Variants in CACNA1S observed in about 807,000 individuals in gnomAD.
CACNA1S encodes the protein voltage-dependent L-type calcium channel subunit alpha-1S.
In CACNA1S, 126 loss-of-function variants were observed where a neutral mutation model predicts 207.4. The ratio of observed to expected loss-of-function variants is 0.61; its 90% CI spans 0.53 to 0.70. The LOEUF is 0.70. Ranked by LOEUF, CACNA1S falls within the 30% of genes least tolerant of loss-of-function variation. The pLI is 0.00. For missense variants in CACNA1S, 2,349 were observed against 2,422.8 expected (o/e 0.97, Z 0.64); for synonymous variants, 960 against 932.7 (o/e 1.03, Z -0.53).
At chr1:201,088,048 G>T (rs559700231) in intron 6 of CACNA1S, 119 bp from the exon 7 acceptor site, 2 of 731,808 alleles carry the variant, frequency 2.7e-6, no homozygotes, top group South Asian at 3.0e-5. Context: ...CTGGGATATT[G>T]AGGGGACATT....
intron 2 of CACNA1S, 55 bp from the exon 3 acceptor site, chr1:201,094,076 G>T (rs931921193): frequency 1.9e-6 from 3 of 1,610,284 alleles, no homozygotes; most frequent in Non-Finnish European, 2.5e-6. Context: ...GTGCACCCTT[G>T]CTCTCTTCCC....
chr1:201,058,407 C>G lies in CACNA1S; in HGVS notation c.3609+1G>C, dbSNP rs754831666. 1 of 1,613,584 alleles carries G rather than the reference C, an allele frequency of 6.2e-7. No homozygotes were observed. On this transcript the variant is annotated splice_donor_variant, in intron 28 of 43. Coordinates refer to ENST00000362061, the MANE Select transcript of CACNA1S (RefSeq NM_000069.3). LOFTEE classifies it high-confidence loss of function. ...GATGGCTCTGCCTGCCTGATACTCA[C>G]GTCGATCTCACTGAGGATGACATCA...
chr1:201,091,355 A>C (rs1039631267), intron 5 of CACNA1S, among the ~76,000 whole-genome samples: 1 of 152,114 alleles, frequency 6.6e-6, no homozygotes, highest in Non-Finnish European at 1.5e-5. Flanking sequence ...TCCATCTACC[A>C]CAGGTCCAGA....
In CACNA1S at chr1:201,040,347, C is replaced by T. The variant is rs747004063; in HGVS notation, c.5254G>A (p.Glu1752Lys). 5.6e-6 allele frequency: 9 copies of T among 1,613,674 alleles called. No homozygotes were observed. In the South Asian group the frequency reaches 6.6e-5, roughly 12 times the overall value. The change falls in exon 43 of 44, where the codon GAG becomes AAG. Residue 1752 changes from glutamate to lysine, a missense_variant. Transcript: ENST00000362061. ...CCTGGTGTGGAGCTCTTTCTGTCCT[C>T]AGGCATGGAGGACTCCACCCTGGGG... ...QCPRVESSMP[E>K]DRKSSTPGSL...
intron 10 of CACNA1S, among the ~76,000 whole-genome samples, 187 bp from the exon 11 acceptor site, chr1:201,078,291 G>T (rs1164855966): frequency 6.6e-6 from 1 of 152,060 alleles, no homozygotes; most frequent in Non-Finnish European, 1.5e-5. Flanking sequence ...GCACAATTAT[G>T]GCACACTGCA....
rs1489611039 is a variant in CACNA1S, at chr1:201,044,338, C to A, written c.4787G>T (p.Gly1596Val). ...RAMVEAAMEE[G>V]IFRRTGGLFG... ...CTGGCTCTCCCTCACCCGGAATATT[C>A]CCTCCTCCATCGCAGCCTCCACCAT... The change falls in exon 39 of 44, where the codon GGA becomes GTA. Residue 1596 changes from glycine (G) to valine (V), a missense_variant. Transcript: ENST00000362061. The A allele has an allele frequency of 1.2e-6, 2 of 1,613,478 alleles. No homozygotes were observed. The highest frequency in any genetic ancestry group is 1.7e-5 in the Admixed American group (1 of 60,000).
chr1:201,081,244 G>A (rs1306191977), intron 10 of CACNA1S, among the ~76,000 whole-genome samples: 3 of 152,244 alleles, frequency 2.0e-5, no homozygotes, highest in African/African-American at 7.2e-5. Context: ...GGCCTAAAAT[G>A]TCCTTGGAAG....
intron 2 of CACNA1S, among the ~76,000 whole-genome samples, chr1:201,100,409 A>G (rs544437903): frequency 6.6e-6 from 1 of 152,272 alleles, no homozygotes; most frequent in African/African-American, 2.4e-5. Context: ...CATCTCCACA[A>G]ACACCTCAGC....
At chr1:201,101,422 A>G (rs1175414771) in intron 2 of CACNA1S, among the ~76,000 whole-genome samples, 1 of 152,232 alleles carries the variant, frequency 6.6e-6, no homozygotes, top group Non-Finnish European at 1.5e-5. Flanking sequence ...TGTATCTTTC[A>G]TAAAATCAAT....
At chr1:201,058,596 G>A in intron 27 of CACNA1S, 105 bp from the exon 28 acceptor site, 1 of 906,640 alleles carries the variant, frequency 1.1e-6, no homozygotes, top group Non-Finnish European at 1.8e-6. Flanking sequence ...CGGAGCTGCG[G>A]GTTAGGCCAA....
chr1:201,059,301 T>C lies in CACNA1S; in HGVS notation c.3415-2A>G, dbSNP rs1660961995. 6.2e-7 allele frequency: 1 copy of C among 1,606,058 alleles called. No individual in the cohort carries two copies. The highest frequency in any genetic ancestry group is 8.5e-7 in the Non-Finnish European group (1 of 1,172,910). On this transcript the variant is annotated splice_acceptor_variant, in intron 26 of 43. Coordinates refer to ENST00000362061, the MANE Select transcript of CACNA1S (RefSeq NM_000069.3). LOFTEE classifies it high-confidence loss of function. ...CATCTGCTCCGACTGGTTGTAGTGC[T>C]GTGGAGGGGACACAGGAGCAGTGGG...
intron 10 of CACNA1S, among the ~76,000 whole-genome samples, chr1:201,079,323 C>T (rs1041359024): frequency 4.6e-5 from 7 of 152,060 alleles, no homozygotes; most frequent in Non-Finnish European, 7.4e-5. Context: ...CTACTCTCTC[C>T]AGGGGCATCG....
chr1:201,104,762 C>A (rs934730573), intron 2 of CACNA1S, among the ~76,000 whole-genome samples: 1 of 152,166 alleles, frequency 6.6e-6, no homozygotes, highest in Non-Finnish European at 1.5e-5. Context: ...CATGTCTGCC[C>A]AACAATTAGG....
chr1:201,062,034 C>G lies in CACNA1S; in HGVS notation c.2963G>C (p.Arg988Pro), dbSNP rs747618077. The G allele has an allele frequency of 6.2e-7, 1 of 1,614,140 alleles. No homozygotes were observed. Among genetic ancestry groups the G allele is most frequent in the East Asian group, 2.2e-5 (1 of 44,892 alleles). The change falls in exon 24 of 44, where the codon CGC becomes CCC. Residue 988 changes from arginine (R) to proline (P), a missense_variant. Arg to Pro is a moderately radical substitution (Grantham distance 103). Transcript: ENST00000362061. The stretch of plus-strand genomic sequence containing the variant: ...GTGGAAGTCGCTGTGTACCCACTCG[C>G]GGTGACGCAGCTCTATCTGCATGGG... Reference protein sequence around the residue: ...GDPMQIELRHREWVHSDFHFD... With the variant: ...GDPMQIELRHPEWVHSDFHFD...
At chr1:201,087,782 C>T in intron 7 of CACNA1S, 44 bp downstream of exon 7, 1 of 1,329,592 alleles carries the variant, frequency 7.5e-7, no homozygotes, top group Non-Finnish European at 1.1e-6. Context: ...TTCTCCCCTC[C>T]TCCTCTTTCT....
chr1:201,111,005 T>C (rs1663079565), intron 1 of CACNA1S, among the ~76,000 whole-genome samples: 1 of 151,858 alleles, frequency 6.6e-6, no homozygotes, highest in East Asian at 1.9e-4. Context: ...GACAGAAAAA[T>C]CCCATTCTCT....
At chr1:201,067,738 A>G (rs745885759) in intron 19 of CACNA1S, among the ~76,000 whole-genome samples, 1 of 151,968 alleles carries the variant, frequency 6.6e-6, no homozygotes, top group Non-Finnish European at 1.5e-5. Flanking sequence ...AGCTATCTCT[A>G]CCCAGTGAAG....
At chr1:201,089,511 C>G in intron 5 of CACNA1S, 48 bp from the exon 6 acceptor site, 1 of 1,572,802 alleles carries the variant, frequency 6.4e-7, no homozygotes, top group Non-Finnish European at 8.7e-7. Flanking sequence ...AGTAGGTGGA[C>G]AACGACAGGA....
chr1:201,058,637 G>T, intron 27 of CACNA1S, 146 bp from the exon 28 acceptor site: 2 of 702,560 alleles, frequency 2.8e-6, no homozygotes, highest in Non-Finnish European at 5.3e-6. Context: ...ACCTCCCACT[G>T]GTGCTCCAGT....
Sources: allele counts gnomAD v4.1 joint callset (sites outside exome capture counted in the v4.1 genomes callset), GRCh38; gene constraint gnomAD v4.1.1; transcripts MANE v1.5; gene names NCBI Gene and HGNC (gene_info 2026-07-23, HGNC 2026-07-21).